SEMA3E: variants seen among roughly 807,000 people sequenced by gnomAD.
The protein encoded by SEMA3E is semaphorin 3E.
A neutral mutation model predicts 93.6 loss-of-function variants in SEMA3E; 49 were observed. That is an observed-to-expected ratio of 0.52 (90% CI 0.42 to 0.66). The LOEUF is 0.66. SEMA3E is among the 30% of genes least tolerant of loss of function. The pLI is 0.00. For synonymous variants in SEMA3E, 363 were observed against 330.7 expected, an observed-to-expected ratio of 1.10 and a Z score of -1.06; for missense variants, 906 against 964.8, an observed-to-expected ratio of 0.94 and a Z score of 0.81.
intron 16 of SEMA3E, 42 bp downstream of exon 16, chr7:83,385,252 A>G (rs1787854336): frequency 6.2e-7 from 1 of 1,607,828 alleles, no homozygotes; most frequent in Non-Finnish European, 8.5e-7. Context: ...ATCACACACT[A>G]TATGCAAAAT....
At chr7:83,569,910 C>G (rs1388337897) in intron 1 of SEMA3E, among the ~76,000 whole-genome samples, 1 of 152,162 alleles carries the variant, frequency 6.6e-6, no homozygotes, top group African/African-American at 2.4e-5. Flanking sequence ...CTAACAACCA[C>G]AGAGTATAAA....
At chr7:83,383,242 ATAAAGATTTGATAAGAAAGTGATTT>A (rs1330811753) in intron 16 of SEMA3E, among the ~76,000 whole-genome samples, 10 of 36,290 alleles carry the variant, frequency 2.8e-4, no homozygotes, top group African/African-American at 5.7e-4. Flanking sequence ...TCTTATCAAA[ATAAAGATTTGATAAGAAAGTGATTT>A]CTTATCAAAA....
rs181011105 is a variant in SEMA3E at position 83,555,816 on chromosome 7, A to T, written c.116-65542T>A. 2.8e-3 allele frequency among the ~76,000 whole-genome samples: 424 copies of T among 152,280 alleles called. 2 individuals are homozygous for T. The highest frequency in any genetic ancestry group is 9.5e-3 in the African/African-American group (395 of 41,572). On this transcript the variant is annotated intron_variant, in intron 1 of 16. Coordinates refer to ENST00000643230, the MANE Select transcript of SEMA3E (RefSeq NM_012431.3). ...TCCTTGATTCAAATTCATGCTCGGT[A>T]GCATGGGTCAGCTCATTATTATCCT...
At chr7:83,442,555 A>C (rs12536989) in intron 4 of SEMA3E, among the ~76,000 whole-genome samples, 8,038 of 152,280 alleles carry the variant, frequency 0.053, 306 homozygotes, top group Non-Finnish European at 0.073. Flanking sequence ...TTCCCAAAGA[A>C]AAACACCATC....
At chr7:83,418,238 C>T (rs1788596124) in intron 5 of SEMA3E, 152 bp downstream of exon 5, 1 of 678,314 alleles carries the variant, frequency 1.5e-6, no homozygotes. Context: ...GTTAACATGG[C>T]TTGAAATTTA....
intron 1 of SEMA3E, among the ~76,000 whole-genome samples, chr7:83,600,527 T>A (rs1792972006): frequency 8.3e-6 from 1 of 121,024 alleles, no homozygotes. Context: ...TTTTGTATTT[T>A]TAGTAGAGAC....
chr7:83,375,816 G>A (rs1441470220), intron 16 of SEMA3E, among the ~76,000 whole-genome samples: 7 of 152,034 alleles, frequency 4.6e-5, no homozygotes. Context: ...ACAGAGTTCA[G>A]TTAAAAACTC....
At chr7:83,539,897 T>TGTGTGTG (rs1554336409) in intron 1 of SEMA3E, among the ~76,000 whole-genome samples, 6 of 18,774 alleles carry the variant, frequency 3.2e-4, no homozygotes, top group African/African-American at 7.8e-4. Flanking sequence ...GTGTGTGTGT[T>TGTGTGTG]TGAAGTGGAG....
intron 1 of SEMA3E, among the ~76,000 whole-genome samples, chr7:83,610,343 A>G (rs1479299214): frequency 1.3e-5 from 2 of 152,036 alleles, no homozygotes; most frequent in Non-Finnish European, 2.9e-5. Context: ...CTTATTTTCT[A>G]TTTTATTTTC....
In SEMA3E at chr7:83,363,811, G is replaced by A. The variant is rs183732063; in HGVS notation, c.*3775C>T. Reference sequence around the variant, plus strand: ...AATCCAAATATCTATACAATACTAAGTACTTTTCTTAATATGTTTATTAGG... The same window carrying A: ...AATCCAAATATCTATACAATACTAAATACTTTTCTTAATATGTTTATTAGG... On this transcript the variant is annotated 3_prime_UTR_variant, in exon 17 of 17. Coordinates refer to ENST00000643230, the MANE Select transcript of SEMA3E (RefSeq NM_012431.3). The A allele has an allele frequency of 1.8e-4, 25 of 141,624 alleles. No homozygotes were observed. Among genetic ancestry groups the A allele is most frequent in the African/African-American group, 5.0e-4 (19 of 37,820 alleles). The allele number at this position is 141,624 out of a possible 1,614,324, so 8.8% of individuals were successfully genotyped here.
chr7:83,491,477 T>TAA (rs1355426684), intron 1 of SEMA3E, among the ~76,000 whole-genome samples: 2 of 152,030 alleles, frequency 1.3e-5, no homozygotes, highest in Non-Finnish European at 2.9e-5. Flanking sequence ...TTAAATCTTT[T>TAA]AAAATGAACA....
chr7:83,584,134 C>A (rs982829503), intron 1 of SEMA3E, among the ~76,000 whole-genome samples: 4 of 152,072 alleles, frequency 2.6e-5, no homozygotes, highest in Non-Finnish European at 5.9e-5. Context: ...GGATTACAAT[C>A]AAAGAAAATT....
At chr7:83,415,167 TAC>T (rs1788516849) in intron 5 of SEMA3E, among the ~76,000 whole-genome samples, 1 of 152,116 alleles carries the variant, frequency 6.6e-6, no homozygotes, top group Admixed American at 6.6e-5. Context: ...AAGGCATGGA[TAC>T]GCAATGCAGC....
chr7:83,626,509 A>G (rs1199190746), intron 1 of SEMA3E, among the ~76,000 whole-genome samples: 1 of 151,884 alleles, frequency 6.6e-6, no homozygotes, highest in East Asian at 1.9e-4. Context: ...TGTTTATAGT[A>G]TTTTCTGATG....
chr7:83,392,419 G>A lies in SEMA3E; in HGVS notation c.1667+136C>T, dbSNP rs1269258839. 1.7e-5 allele frequency: 16 copies of A among 964,040 alleles called. No homozygotes were observed. In the Admixed American group the frequency reaches 2.1e-4, roughly 12 times the overall value. The allele number at this position is 964,040 out of a possible 1,614,324, so 59.7% of individuals were successfully genotyped here. ...TGGGTGAAAAAATAAAAGGTCAACA[G>A]CATGTTCAGTGCCAGTCTCTGTACA... On this transcript the variant is annotated intron_variant, in intron 14 of 16. Transcript: ENST00000643230.
intron 4 of SEMA3E, among the ~76,000 whole-genome samples, chr7:83,431,746 G>T (rs1335860694): frequency 6.6e-6 from 1 of 152,122 alleles, no homozygotes; most frequent in African/African-American, 2.4e-5. Flanking sequence ...TCCAAATGAC[G>T]TTTTTGGCAA....
At chr7:83,472,948 T>C (rs1235005145) in intron 2 of SEMA3E, among the ~76,000 whole-genome samples, 1 of 152,150 alleles carries the variant, frequency 6.6e-6, no homozygotes, top group Non-Finnish European at 1.5e-5. Context: ...AGGTGCTTTG[T>C]TTCCCCTTCA....
intron 1 of SEMA3E, among the ~76,000 whole-genome samples, chr7:83,530,722 C>CA (rs922458999): frequency 3.4e-4 from 52 of 152,034 alleles, no homozygotes; most frequent in Admixed American, 3.4e-3. Context: ...ACTAAAAATA[C>CA]AAAAAATCAG....
At chr7:83,617,645 AATT>A (rs1793409223) in intron 1 of SEMA3E, among the ~76,000 whole-genome samples, 17 of 146,674 alleles carry the variant, frequency 1.2e-4, no homozygotes, top group Non-Finnish European at 2.1e-4. Context: ...TAAATAATAT[AATT>A]TATTAATTAA....
Sources: allele counts gnomAD v4.1 joint callset (sites outside exome capture counted in the v4.1 genomes callset), GRCh38; gene constraint gnomAD v4.1.1; transcripts MANE v1.5; gene names NCBI Gene and HGNC (gene_info 2026-07-23, HGNC 2026-07-21).